BET1: variants seen among roughly 807,000 people sequenced by gnomAD.
BET1 encodes Bet1 golgi vesicular membrane trafficking protein, also known as BET1 homolog.
A neutral mutation model predicts 13.9 loss-of-function variants in BET1; 9 were observed. That is an observed-to-expected ratio of 0.65 (90% CI 0.39 to 1.13). BET1 has a LOEUF of 1.13. Among genes scored for constraint, BET1 ranks in the 50% most tolerant of loss-of-function variants. The probability of loss-of-function intolerance (pLI) is 0.01; values close to 1 mark genes in which losing one functional copy is unlikely to be tolerated. For synonymous variants in BET1, 39 were observed against 47.3 expected (o/e 0.82, Z 0.72); for missense variants, 127 against 133.6 (o/e 0.95, Z 0.24).
intron 1 of BET1, 48 bp downstream of exon 1, chr7:94,004,150 G>C (rs1486610812): frequency 1.2e-6 from 2 of 1,613,500 alleles, no homozygotes; most frequent in Non-Finnish European, 1.7e-6. Context: ...GCGCCCCAGC[G>C]CTCCCGGTTC....
At chr7:93,978,842 T>TA (rs957941028) in intron 4 of BET1, among the ~76,000 whole-genome samples, 2 of 152,044 alleles carry the variant, frequency 1.3e-5, no homozygotes, top group Non-Finnish European at 2.9e-5. Context: ...AGATCAAGAA[T>TA]AAAAAATAGA....
chr7:93,970,421 T>C (rs1164845547), intron 6 of BET1, among the ~76,000 whole-genome samples: 1 of 151,740 alleles, frequency 6.6e-6, no homozygotes, highest in Non-Finnish European at 1.5e-5. Flanking sequence ...CTCCATTAGC[T>C]CTCGAGAAGA....
downstream of BET1, among the ~76,000 whole-genome samples, chr7:93,991,534 GGA>G (rs1467297802): frequency 2.0e-5 from 3 of 152,016 alleles, no homozygotes; most frequent in Non-Finnish European, 4.4e-5. Context: ...GAGTGTGGTG[GGA>G]GATTTTACAA....
exon 7 of BET1, chr7:93,962,944 G>A (rs1358237274): frequency 6.6e-6 from 1 of 152,030 alleles, no homozygotes; most frequent in Admixed American, 6.6e-5. Flanking sequence ...TATTGGAAAT[G>A]AAACTTGCTT....
intron 6 of BET1, among the ~76,000 whole-genome samples, chr7:93,966,714 T>A (rs1365472672): frequency 1.3e-5 from 2 of 151,776 alleles, no homozygotes; most frequent in African/African-American, 4.8e-5. Flanking sequence ...TATGGTATAT[T>A]AGTATGATAG....
At chr7:93,970,221 A>G (rs1359413206) in intron 6 of BET1, among the ~76,000 whole-genome samples, 2 of 151,846 alleles carry the variant, frequency 1.3e-5, no homozygotes, top group African/African-American at 4.8e-5. Flanking sequence ...TTTGTTTAAT[A>G]GAGGGGAGAA....
chr7:93,976,402 T>C (rs999058159), intron 4 of BET1, among the ~76,000 whole-genome samples: 2 of 151,646 alleles, frequency 1.3e-5, no homozygotes, highest in African/African-American at 4.9e-5. Flanking sequence ...CAAAGCACAA[T>C]AAAGCAAAAC....
chr7:93,983,631 G>T (rs1486498215), intron 4 of BET1, among the ~76,000 whole-genome samples: 1 of 152,038 alleles, frequency 6.6e-6, no homozygotes. Context: ...AATTGGAAAG[G>T]GTTAGTGTCT....
chr7:93,972,392 AT>A (rs1173463873), intron 6 of BET1: 1 of 151,886 alleles, frequency 6.6e-6, no homozygotes, highest in African/African-American at 2.4e-5. Context: ...CTTGACACAA[AT>A]TTTTTATTTG....
At position 94,004,284 on chromosome 7, in the gene BET1, C is replaced by T; in HGVS notation, c.-68G>A. On this transcript the variant is annotated 5_prime_UTR_variant, in exon 1 of 4. Transcript: ENST00000222547. ...GTGAGTAGGAAACAGCTAGGGGCGA[C>T]CCGGACCGCGTCTTCAGTACCAGGG... 1.9e-6 allele frequency: 3 copies of T among 1,607,104 alleles called. No homozygotes were observed. Among genetic ancestry groups the T allele is most frequent in the South Asian group, 1.1e-5 (1 of 90,924 alleles).
At chr7:93,995,033 A>G (rs538194794) in intron 3 of BET1, among the ~76,000 whole-genome samples, 1 of 152,102 alleles carries the variant, frequency 6.6e-6, no homozygotes, top group Non-Finnish European at 1.5e-5. Flanking sequence ...TTTAGTAGAG[A>G]TGGGGTTTCA....
intron 4 of BET1, among the ~76,000 whole-genome samples, chr7:93,983,163 T>C (rs1014377898): frequency 2.0e-5 from 3 of 152,182 alleles, no homozygotes; most frequent in Admixed American, 1.3e-4. Flanking sequence ...GGCTTGTTGA[T>C]TATTTTTGAC....
downstream of BET1, chr7:93,992,082 A>G: frequency 1.0e-6 from 1 of 985,418 alleles, no homozygotes; most frequent in African/African-American, 1.7e-5. Flanking sequence ...TTGGGCAGCG[A>G]CATGCCAGTG....
exon 7 of BET1, chr7:93,965,113 G>A (rs1296501507): frequency 6.6e-6 from 1 of 152,024 alleles, no homozygotes; most frequent in Non-Finnish European, 1.5e-5. Context: ...CATGTTGGCT[G>A]GTTGACTGTG....
intron 6 of BET1, among the ~76,000 whole-genome samples, chr7:93,968,809 A>G (rs1795215824): frequency 6.6e-6 from 1 of 151,870 alleles, no homozygotes; most frequent in Non-Finnish European, 1.5e-5. Context: ...ACACACACAT[A>G]CACACATATA....
In BET1 at chr7:93,996,294, T is replaced by C. The variant is rs1341100926; in HGVS notation, c.172A>G (p.Lys58Glu). The C allele has an allele frequency of 2.5e-6, 4 of 1,583,980 alleles. No individual in the cohort carries two copies. Among genetic ancestry groups the C allele is most frequent in the Non-Finnish European group, 3.4e-6 (4 of 1,163,308 alleles). The change falls in exon 3 of 4, where the codon AAA (lysine) becomes GAA (glutamate). Residue 58 changes from lysine (K) to glutamate (E), a missense_variant. By Grantham distance (56) the Lys-to-Glu change is moderately conservative. Coordinates refer to ENST00000222547, the MANE Select transcript of BET1 (RefSeq NM_005868.6). ...TCAGCTAATAATTTATTCTGGGTTTTAACTTCATGGCCTATTTCAATGGAA... is the reference window on the plus strand; with the variant it reads ...TCAGCTAATAATTTATTCTGGGTTTCAACTTCATGGCCTATTTCAATGGAA... ...SLSIEIGHEVKTQNKLLAEMD... is the reference protein window; with the variant it reads ...SLSIEIGHEVETQNKLLAEMD...
intron 2 of BET1, among the ~76,000 whole-genome samples, chr7:93,998,510 C>T (rs1036597487): frequency 6.6e-6 from 1 of 152,026 alleles, no homozygotes; most frequent in Non-Finnish European, 1.5e-5. Flanking sequence ...ACCAGCCTGG[C>T]CAACATGGTA....
chr7:93,994,124 A>C lies in BET1; in HGVS notation c.*106T>G, dbSNP rs1795703820. On this transcript the variant is annotated 3_prime_UTR_variant, in exon 4 of 4. Coordinates refer to ENST00000222547, the MANE Select transcript of BET1 (RefSeq NM_005868.6). ...CAAAATTCAGCAATTTTCAATGGAAAATGCCACAGTATTTGAACACTAGGA... is the reference window on the plus strand; with the variant it reads ...CAAAATTCAGCAATTTTCAATGGAACATGCCACAGTATTTGAACACTAGGA... 6.8e-7 allele frequency: 1 copy of C among 1,466,790 alleles called. No individual in the cohort carries two copies. The highest frequency in any genetic ancestry group is 9.0e-7 in the Non-Finnish European group (1 of 1,114,526). 90.9% of individuals were successfully genotyped at this position (1,466,790 alleles called of 1,614,324 possible).
intron 2 of BET1, among the ~76,000 whole-genome samples, chr7:93,998,337 C>T (rs1795816697): frequency 6.6e-6 from 1 of 152,066 alleles, no homozygotes; most frequent in South Asian, 2.1e-4. Flanking sequence ...TTATATAGCT[C>T]AGATCATAAT....
Sources: allele counts gnomAD v4.1 joint callset (sites outside exome capture counted in the v4.1 genomes callset), GRCh38; gene constraint gnomAD v4.1.1; transcripts MANE v1.5; gene names NCBI Gene and HGNC (gene_info 2026-07-23, HGNC 2026-07-21).